The following GJA5 variants were observed in gnomAD, a reference collection of about 807,000 sequenced individuals.
GJA5 encodes the protein gap junction alpha-5 protein.
Under a neutral mutation model 7.9 loss-of-function variants are expected in GJA5, and 3 were observed. The observed-to-expected ratio is 0.38, with a 90% CI of 0.17 to 0.99. GJA5 has a LOEUF of 0.99. Ranked by LOEUF, GJA5 falls within the 50% of genes least tolerant of loss-of-function variation. The pLI is 0.38. For missense variants in GJA5, 390 were observed against 457.9 expected, an observed-to-expected ratio of 0.85 and a Z score of 1.35; for synonymous variants, 193 against 181.0, an observed-to-expected ratio of 1.07 and a Z score of -0.53.
intron 1 of GJA5, among the ~76,000 whole-genome samples, chr1:147,769,132 G>A (rs1440362983): frequency 6.6e-6 from 1 of 152,220 alleles, no homozygotes; most frequent in Non-Finnish European, 1.5e-5. Flanking sequence ...AGCCCACAGT[G>A]GTCAGGATTC....
intron 1 of GJA5, among the ~76,000 whole-genome samples, chr1:147,768,570 C>T (rs1664290133): frequency 6.6e-6 from 1 of 152,050 alleles, no homozygotes; most frequent in South Asian, 2.1e-4. Flanking sequence ...CCCCATTTGT[C>T]ATAGATTTAT....
chr1:147,766,411 G>A (rs1664204381), intron 1 of GJA5, among the ~76,000 whole-genome samples: 1 of 152,172 alleles, frequency 6.6e-6, no homozygotes, highest in African/African-American at 2.4e-5. Flanking sequence ...GGATGAGAAT[G>A]CACACAGAGG....
chr1:147,761,994 T>C (rs1664035802), upstream of GJA5, among the ~76,000 whole-genome samples: 1 of 152,234 alleles, frequency 6.6e-6, no homozygotes, highest in Non-Finnish European at 1.5e-5. Flanking sequence ...TGATTCAATC[T>C]GTGTTCCACT....
In GJA5 at chr1:147,768,368, C is replaced by T. The variant is rs140823495; in HGVS notation, c.-34+4884G>A. ...AGTAAAGTGCAGAAAGAGATTCGTGCTAGGATAAATAATTTTCTTAAACTG... is the reference window on the plus strand; with the variant it reads ...AGTAAAGTGCAGAAAGAGATTCGTGTTAGGATAAATAATTTTCTTAAACTG... On this transcript the variant is annotated intron_variant, in intron 1 of 1. Coordinates refer to the GJA5 transcript ENST00000430508. 1.4e-4 allele frequency among the ~76,000 whole-genome samples: 22 copies of T among 152,130 alleles called. No individual in the cohort carries two copies. The East Asian group carries it at 4.2e-3, about 29-fold the overall frequency.
intron 1 of GJA5, chr1:147,773,195 C>T (rs1326853534): frequency 6.6e-6 from 1 of 152,224 alleles, no homozygotes; most frequent in Non-Finnish European, 1.5e-5. Flanking sequence ...CTCCCTTCCT[C>T]TGGCTACTTC....
intron 1 of GJA5, 42 bp from the exon 2 acceptor site, chr1:147,759,313 G>A: frequency 2.0e-6 from 2 of 991,878 alleles, no homozygotes; most frequent in South Asian, 1.3e-5. Context: ...GAAGAAGGAT[G>A]TTCTGTGAAG....
intron 1 of GJA5, among the ~76,000 whole-genome samples, chr1:147,772,641 C>G (rs791287): frequency 0.047 from 7,166 of 152,236 alleles, 398 homozygotes; most frequent in African/African-American, 0.14. Flanking sequence ...GCTTTCCTGG[C>G]CTTCCTCGCT....
chr1:147,763,207 A>T (rs587685532), upstream of GJA5, among the ~76,000 whole-genome samples: 19 of 152,334 alleles, frequency 1.2e-4, no homozygotes, highest in Admixed American at 8.5e-4. Context: ...TTCATTTAAT[A>T]CGTTTATTGA....
chr1:147,762,771 C>T (rs1253740190), upstream of GJA5, among the ~76,000 whole-genome samples: 2 of 152,190 alleles, frequency 1.3e-5, no homozygotes, highest in African/African-American at 4.8e-5. Flanking sequence ...TTTCCAGCTA[C>T]GTTGGCTCCC....
At chr1:147,769,743 G>A (rs995491184) in intron 1 of GJA5, among the ~76,000 whole-genome samples, 3 of 152,056 alleles carry the variant, frequency 2.0e-5, no homozygotes, top group African/African-American at 4.8e-5. Context: ...CTACAAATTA[G>A]TTATCTCACA....
At chr1:147,763,273 G>A (rs1463847213), upstream of GJA5, among the ~76,000 whole-genome samples, 1 of 152,208 alleles carries the variant, frequency 6.6e-6, no homozygotes, top group Non-Finnish European at 1.5e-5. Context: ...CAGGAAGGAG[G>A]GGAAACAAAC....
rs1324379277 is a variant in GJA5 at position 147,758,200 on chromosome 1, C to G, written c.1039G>C (p.Ala347Pro). 3.0e-5 allele frequency: 49 copies of G among 1,613,958 alleles called. No homozygotes were observed. Among genetic ancestry groups the G allele is most frequent in the Non-Finnish European group, 4.2e-5 (49 of 1,179,972 alleles). The change falls in exon 2 of 2, where the codon GCC becomes CCC. Residue 347 changes from alanine (A) to proline (P), a missense_variant. This residue lies in a region of GJA5 where 354 missense variants were observed against 370.9 expected (regional missense o/e 0.95). Transcript: ENST00000579774. ...TCATCTGACCTTGCCTTGCTGCTGG[C>G]CTTACTAAGACGTCGCTTGTCACTA... The part of the protein sequence containing the change: ...YHSDKRRLSK[A>P]SSKARSDDLS...
chr1:147,773,312 T>G (rs1403992736), exon 1 of GJA5: 1 of 152,344 alleles, frequency 6.6e-6, no homozygotes, highest in African/African-American at 2.4e-5. Context: ...TCTGGCTGCT[T>G]CTTCTCCAAC....
At chr1:147,765,324 T>C (rs761923009), upstream of GJA5, among the ~76,000 whole-genome samples, 131 of 152,230 alleles carry the variant, frequency 8.6e-4, no homozygotes, top group Non-Finnish European at 1.2e-3. Context: ...TAAAAGTGAT[T>C]CGTTCAAATA....
Position 147,758,243 on chromosome 1 carries a change from G to A in GJA5, c.996C>T (p.Arg332=). 1.2e-6 allele frequency: 2 copies of A among 1,614,168 alleles called. No individual in the cohort carries two copies. The highest frequency in any genetic ancestry group is 8.5e-7 in the Non-Finnish European group (1 of 1,180,022). ...EVPNGVSPGH[R]LPHGYHSDKR... Reference sequence around the variant, plus strand: ...TGTCACTATGATAGCCATGGGGAAGGCGGTGACCTGGTGAGACTCCATTGG... The same window carrying A: ...TGTCACTATGATAGCCATGGGGAAGACGGTGACCTGGTGAGACTCCATTGG... The change falls in exon 2 of 2, where the codon CGC becomes CGT. Residue 332 remains arginine (R), a synonymous_variant. Transcript: ENST00000579774.
At position 147,758,560 on chromosome 1, in the gene GJA5, A is replaced by C; in HGVS notation, c.679T>G (p.Tyr227Asp). Residue 227 changes from tyrosine (Y) to aspartate (D), a missense_variant, in exon 2 of 2, where the codon TAC becomes GAC. Coordinates refer to ENST00000579774, the MANE Select transcript of GJA5 (RefSeq NM_181703.4). ...LSLLLSLAELYHLGWKKIRQR... is the reference protein window; with the variant it reads ...LSLLLSLAELDHLGWKKIRQR... ...CTGATCTTCTTCCAGCCCAGGTGGT[A>C]GAGTTCAGCCAGGCTAAGGAGGAGG... The C allele has an allele frequency of 6.2e-7, 1 of 1,613,576 alleles. No individual in the cohort carries two copies.
Position 147,758,316 on chromosome 1 carries a change from G to A in GJA5, c.923C>T (p.Pro308Leu). Residue 308 changes from proline to leucine, a missense_variant, in exon 2 of 2, where the codon CCT (proline) becomes CTT (leucine). Transcript: ENST00000579774. ...ACGAACCTGGATGAAACCTTCCCCAGGAGTCTGCTCCTGACCTCGTACTTG... is the reference window on the plus strand; with the variant it reads ...ACGAACCTGGATGAAACCTTCCCCAAGAGTCTGCTCCTGACCTCGTACTTG... Reference protein sequence around the residue: ...TEQVRGQEQTPGEGFIQVRYG... With the variant: ...TEQVRGQEQTLGEGFIQVRYG... 6.2e-7 allele frequency: 1 copy of A among 1,614,164 alleles called. No homozygotes were observed. The highest frequency in any genetic ancestry group is 8.5e-7 in the Non-Finnish European group (1 of 1,180,020).
chr1:147,771,402 C>T (rs1386382794), intron 1 of GJA5, among the ~76,000 whole-genome samples: 3 of 152,136 alleles, frequency 2.0e-5, no homozygotes, highest in African/African-American at 2.4e-5. Flanking sequence ...TCTCCCAACT[C>T]AATCAGCCCT....
chr1:147,756,645 G>A lies in GJA5; in HGVS notation c.*1517C>T, dbSNP rs1371954179. The A allele has an allele frequency of 6.6e-6, 1 of 152,228 alleles. No individual in the cohort carries two copies. Among genetic ancestry groups the A allele is most frequent in the Non-Finnish European group, 1.5e-5 (1 of 68,100 alleles). The allele number at this position is 152,228 out of a possible 1,614,324, so 9.4% of individuals were successfully genotyped here. On this transcript the variant is annotated 3_prime_UTR_variant, in exon 2 of 2. Transcript: ENST00000579774. ...AGAGCAGGAAGACACAAGTTTCTCT[G>A]TGGTTTCCTTTCCTTATTTCAGGAC...
Sources: gnomAD v4.1 joint callset for allele counts (sites outside exome capture counted in the v4.1 genomes callset) on GRCh38, gnomAD v4.1.1 for gene constraint, gnomAD v4.1.1 regional missense constraint, MANE v1.5 for transcripts, NCBI Gene and HGNC (gene_info 2026-07-23, HGNC 2026-07-21) for gene names.